Variants in LCA5L observed in about 807,000 individuals in gnomAD.
The protein encoded by LCA5L is lebercilin-like protein.
A neutral mutation model predicts 45.4 loss-of-function variants in LCA5L; 35 were observed. That is an observed-to-expected ratio of 0.77 (90% CI 0.59 to 1.02). LCA5L has a LOEUF of 1.02. Among genes scored for constraint, LCA5L ranks in the 50% least tolerant of loss-of-function variants. The probability of loss-of-function intolerance (pLI) is 0.00; values close to 1 mark genes in which losing one functional copy is unlikely to be tolerated. For synonymous variants in LCA5L, 233 were observed against 264.7 expected (o/e 0.88, Z 1.16); for missense variants, 668 against 761.6 (o/e 0.88, Z 1.45).
chr21:39,407,883 T>C (rs1324113149), intron 10 of LCA5L: 1 of 152,260 alleles, frequency 6.6e-6, no homozygotes, highest in Non-Finnish European at 1.5e-5. Flanking sequence ...ACGATCAGTT[T>C]CCACCAAACT....
chr21:39,422,554 C>T (rs2073945226), intron 6 of LCA5L: 3 of 215,026 alleles, frequency 1.4e-5, no homozygotes, highest in South Asian at 1.8e-4. Flanking sequence ...AGGCCCTGAA[C>T]GGATGCACTG....
chr21:39,437,535 C>T (rs1601958597), intron 2 of LCA5L, among the ~76,000 whole-genome samples: 2 of 152,174 alleles, frequency 1.3e-5, no homozygotes, highest in East Asian at 3.9e-4. Flanking sequence ...TCACAGCTCA[C>T]TGCAGCCTCA....
At chr21:39,434,515 C>A (rs953319046) in intron 3 of LCA5L, among the ~76,000 whole-genome samples, 3 of 152,126 alleles carry the variant, frequency 2.0e-5, no homozygotes, top group African/African-American at 7.2e-5. Context: ...CTTAAACCAA[C>A]CACCTACTGT....
intron 2 of LCA5L, among the ~76,000 whole-genome samples, chr21:39,438,282 C>T (rs1359857511): frequency 6.6e-6 from 1 of 152,094 alleles, no homozygotes; most frequent in African/African-American, 2.4e-5. Context: ...AGGCTAGAAT[C>T]TACCTGGAAA....
chr21:39,406,032 G>C lies in LCA5L; in HGVS notation c.1863C>G (p.Gly621=), dbSNP rs138510761. Residue 621 remains glycine (G), a synonymous_variant, in exon 11 of 11, where the codon GGC becomes GGG. Coordinates refer to ENST00000288350, the MANE Select transcript of LCA5L (RefSeq NM_152505.4). ...CCTTACTTTGCAAAGGCTCCTCTGA[G>C]CCTTTTGCAACACCAGGACTTGATT... is the stretch of plus-strand genomic sequence containing the variant. ...TDQSSPGVAK[G]SEEPLQSKES... is the part of the protein sequence containing the mutation. The C allele has an allele frequency of 2.8e-4, 460 of 1,614,210 alleles. 5 individuals carry two copies. In the African/African-American group the frequency reaches 4.8e-3, roughly 17 times the overall value.
At chr21:39,413,346 G>A (rs2040442375) in intron 7 of LCA5L, among the ~76,000 whole-genome samples, 1 of 152,178 alleles carries the variant, frequency 6.6e-6, no homozygotes, top group South Asian at 2.1e-4. Context: ...CCTAGCATAA[G>A]ACTGTTTTGA....
rs141482009 is a variant in LCA5L at position 39,429,184 on chromosome 21, T to C, written c.-64A>G. On this transcript the variant is annotated 5_prime_UTR_variant, in exon 4 of 11. It removes the in-frame stop codon of an upstream open reading frame in the 5' UTR. Coordinates refer to ENST00000288350, the MANE Select transcript of LCA5L (RefSeq NM_152505.4). ...CATCTTCTGAGGTCTTTAAAAGGAT[T>C]TACCTTTTCATTTAATTCTCAATTC... 13 of 152,284 alleles carry C rather than the reference T, an allele frequency of 8.5e-5. No homozygotes were observed. The highest frequency in any genetic ancestry group is 3.1e-4 in the African/African-American group (13 of 41,558). The allele number at this position is 152,284 out of a possible 1,614,324, so 9.4% of individuals were successfully genotyped here. A position where few individuals can be genotyped will look rare whatever the true frequency, so the allele number is the denominator to read the frequency against.
intron 6 of LCA5L, among the ~76,000 whole-genome samples, chr21:39,421,281 T>G (rs908748258): frequency 2.6e-5 from 4 of 152,042 alleles, no homozygotes; most frequent in African/African-American, 9.7e-5. Context: ...TTTGTATTTT[T>G]AGTAAAGACA....
chr21:39,410,491 C>A, intron 8 of LCA5L, 124 bp from the exon 9 acceptor site: 1 of 563,354 alleles, frequency 1.8e-6, no homozygotes, highest in Non-Finnish European at 3.1e-6. Context: ...TCTAAATATT[C>A]AATATATATA....
chr21:39,416,800 A>C (rs944564762), intron 7 of LCA5L, among the ~76,000 whole-genome samples: 5 of 152,218 alleles, frequency 3.3e-5, no homozygotes, highest in Non-Finnish European at 5.9e-5. Context: ...ATTACTAAAC[A>C]GTGTAAGATT....
intron 5 of LCA5L, 65 bp downstream of exon 5, chr21:39,428,107 T>G: frequency 4.6e-6 from 4 of 870,836 alleles, no homozygotes; most frequent in Non-Finnish European, 7.4e-6. Context: ...CTTCAAACAC[T>G]AGTGCAGTAA....
intron 8 of LCA5L, chr21:39,411,215 T>C (rs367791472): frequency 7.8e-6 from 2 of 256,434 alleles, no homozygotes; most frequent in Non-Finnish European, 1.5e-5. Context: ...TCGGGTGAGG[T>C]AGGGGACTAC....
chr21:39,441,432 T>C (rs997956315), intron 2 of LCA5L, among the ~76,000 whole-genome samples: 5 of 152,100 alleles, frequency 3.3e-5, no homozygotes, highest in African/African-American at 4.8e-5. Context: ...AGGCAAGAAA[T>C]TAGGTGATTT....
At chr21:39,431,893 C>G (rs1311327750) in intron 3 of LCA5L, among the ~76,000 whole-genome samples, 1 of 152,094 alleles carries the variant, frequency 6.6e-6, no homozygotes, top group African/African-American at 2.4e-5. Context: ...AGGCAGTGAT[C>G]AATTCTACTA....
In LCA5L at chr21:39,409,504, G is replaced by C. The variant is rs2039704529; in HGVS notation, c.1282+475C>G. 6.6e-6 allele frequency among the ~76,000 whole-genome samples: 1 copy of C among 152,164 alleles called. No individual in the cohort carries two copies. ...ATATGATTGTGAAGGGCCCAAGGGT[G>C]TTCCAAGGAGTACTCATCCACTGTT... On this transcript the variant is annotated intron_variant, in intron 10 of 10. Coordinates refer to ENST00000288350, the MANE Select transcript of LCA5L (RefSeq NM_152505.4). The surrounding 1 kb of genome is among the most constrained non-coding windows in gnomAD (Gnocchi z 4.2).
chr21:39,424,079 C>T (rs1188259103), intron 5 of LCA5L, among the ~76,000 whole-genome samples: 1 of 152,088 alleles, frequency 6.6e-6, no homozygotes, highest in Non-Finnish European at 1.5e-5. Context: ...GTGGTGCAAC[C>T]TTGGCTCACT....
At chr21:39,407,582 C>T (rs181643252) in intron 10 of LCA5L, among the ~76,000 whole-genome samples, 138 of 152,278 alleles carry the variant, frequency 9.1e-4, no homozygotes, top group Middle Eastern at 6.8e-3. Flanking sequence ...AGGTATGGCA[C>T]GTGCAGTCTG....
intron 2 of LCA5L, among the ~76,000 whole-genome samples, chr21:39,441,391 A>G (rs1484115565): frequency 6.6e-6 from 1 of 152,240 alleles, no homozygotes; most frequent in Non-Finnish European, 1.5e-5. Flanking sequence ...AGTTCTGCCA[A>G]TACAACTAGC....
At chr21:39,443,910 T>G (rs1204228974) in intron 2 of LCA5L, 1 of 151,944 alleles carries the variant, frequency 6.6e-6, no homozygotes, top group Admixed American at 6.6e-5. Context: ...GGCGTACACC[T>G]GTAATCCCAG....
Sources: gnomAD v4.1 joint callset for allele counts (sites outside exome capture counted in the v4.1 genomes callset) on GRCh38, gnomAD v4.1.1 for gene constraint, Gnocchi (gnomAD v3.1) non-coding constraint, MANE v1.5 for transcripts, NCBI Gene and HGNC (gene_info 2026-07-23, HGNC 2026-07-21) for gene names.